Variants in PSD3 observed in about 807,000 individuals in gnomAD.
PSD3 encodes pleckstrin and Sec7 domain containing 3.
A neutral mutation model predicts 105.5 loss-of-function variants in PSD3; 49 were observed. The observed-to-expected ratio is 0.46, with a 90% confidence interval of 0.37 to 0.59. PSD3 has a LOEUF of 0.59. Among genes scored for constraint, PSD3 ranks in the 20% least tolerant of loss-of-function variants. The pLI is 0.00. For missense variants in PSD3, 1,561 were observed against 1,263.8 expected (o/e 1.24, Z -3.57); for synonymous variants, 557 against 457.8 (o/e 1.22, Z -2.77).
upstream of PSD3, among the ~76,000 whole-genome samples, chr8:19,017,050 CTTTTTT>C (rs60211350): frequency 8.7e-6 from 1 of 115,594 alleles, no homozygotes; most frequent in Admixed American, 9.7e-5. Flanking sequence ...TGGCTACATA[CTTTTTT>C]TTTTTTTTTT....
chr8:18,550,275 G>A (rs574024345), intron 15 of PSD3, among the ~76,000 whole-genome samples: 18 of 152,236 alleles, frequency 1.2e-4, no homozygotes, highest in African/African-American at 3.4e-4. Context: ...GCTAGGCTCC[G>A]CTTCTCTTCA....
At chr8:18,850,831 A>T (rs118039738) in intron 4 of PSD3, among the ~76,000 whole-genome samples, 1 of 152,172 alleles carries the variant, frequency 6.6e-6, no homozygotes, top group African/African-American at 2.4e-5. Flanking sequence ...CCTGCTAAAA[A>T]GCAGGGCCTC....
chr8:18,677,974 C>T (rs1253938270), intron 9 of PSD3, among the ~76,000 whole-genome samples: 4 of 148,248 alleles, frequency 2.7e-5, no homozygotes, highest in South Asian at 2.1e-4. Flanking sequence ...CAGGCCACTG[C>T]ACTCCAGCCT....
chr8:18,584,799 G>A (rs547181625), intron 12 of PSD3, among the ~76,000 whole-genome samples: 2 of 152,238 alleles, frequency 1.3e-5, no homozygotes, highest in East Asian at 1.9e-4. Context: ...AAAGGTGGGG[G>A]GCTCCTTGTG....
At chr8:18,850,718 T>C (rs1472524322) in intron 4 of PSD3, among the ~76,000 whole-genome samples, 1 of 152,128 alleles carries the variant, frequency 6.6e-6, no homozygotes, top group Non-Finnish European at 1.5e-5. Flanking sequence ...AAAGGTCTTG[T>C]AGCTCAACCC....
intron 1 of PSD3, among the ~76,000 whole-genome samples, chr8:18,963,784 G>T (rs910247738): frequency 6.6e-6 from 1 of 152,178 alleles, no homozygotes; most frequent in African/African-American, 2.4e-5. Flanking sequence ...TTAAAATATA[G>T]ACACCACATT....
chr8:19,069,598 T>G (rs1195276971), intron 1 of PSD3, among the ~76,000 whole-genome samples: 1 of 152,224 alleles, frequency 6.6e-6, no homozygotes, highest in African/African-American at 2.4e-5. Flanking sequence ...GTCATCATCG[T>G]GATAATACCT....
chr8:18,592,221 G>A (rs1803665861), intron 12 of PSD3, among the ~76,000 whole-genome samples: 1 of 152,068 alleles, frequency 6.6e-6, no homozygotes, highest in Admixed American at 6.6e-5. Context: ...TTTTCAAGCT[G>A]AAGAATATAG....
chr8:18,881,400 G>C (rs1443058795), intron 2 of PSD3, among the ~76,000 whole-genome samples: 2 of 152,132 alleles, frequency 1.3e-5, no homozygotes, highest in Non-Finnish European at 2.9e-5. Flanking sequence ...AGAAAAACCA[G>C]GGTCTTTCTA....
At chr8:18,618,101 C>A (rs1196172343) in intron 11 of PSD3, among the ~76,000 whole-genome samples, 1 of 152,244 alleles carries the variant, frequency 6.6e-6, no homozygotes. Flanking sequence ...CACCCCACCA[C>A]CCCCTCAACT....
At chr8:18,640,741 A>G (rs1807585664) in intron 10 of PSD3, among the ~76,000 whole-genome samples, 1 of 152,212 alleles carries the variant, frequency 6.6e-6, no homozygotes, top group African/African-American at 2.4e-5. Flanking sequence ...TGGAGGGAAG[A>G]TGGCAGAAGA....
At chr8:19,061,480 T>A (rs370878018) in intron 1 of PSD3, among the ~76,000 whole-genome samples, 3 of 152,080 alleles carry the variant, frequency 2.0e-5, no homozygotes, top group East Asian at 3.9e-4. Context: ...GTTTGTTTGC[T>A]GGTGAACTTG....
At chr8:18,877,900 G>T (rs1817841485) in intron 2 of PSD3, among the ~76,000 whole-genome samples, 1 of 152,126 alleles carries the variant, frequency 6.6e-6, no homozygotes, top group African/African-American at 2.4e-5. Context: ...TGCAGTAAGT[G>T]AAATCTGGAA....
chr8:18,761,188 G>C (rs1376764042), intron 9 of PSD3, among the ~76,000 whole-genome samples: 1 of 152,154 alleles, frequency 6.6e-6, no homozygotes, highest in Non-Finnish European at 1.5e-5. Context: ...AGGTAAAAAG[G>C]TAAGGGTTAA....
intron 8 of PSD3, among the ~76,000 whole-genome samples, chr8:18,775,630 T>G (rs893488820): frequency 6.6e-6 from 1 of 152,236 alleles, no homozygotes; most frequent in Non-Finnish European, 1.5e-5. Context: ...TTCTATGTCT[T>G]CTTTTGAGAA....
chr8:18,894,723 G>C (rs1039512658), intron 2 of PSD3, among the ~76,000 whole-genome samples: 7 of 152,220 alleles, frequency 4.6e-5, no homozygotes, highest in African/African-American at 7.2e-5. Flanking sequence ...AGCTACATTC[G>C]CATCTGTCTT....
At chr8:18,643,789 G>C (rs911287309) in intron 10 of PSD3, among the ~76,000 whole-genome samples, 3 of 152,340 alleles carry the variant, frequency 2.0e-5, no homozygotes, top group African/African-American at 7.2e-5. Context: ...AGCTGTCATG[G>C]AATATCCCAC....
intron 8 of PSD3, among the ~76,000 whole-genome samples, chr8:18,795,842 G>A (rs1384794869): frequency 6.6e-6 from 1 of 152,140 alleles, no homozygotes; most frequent in African/African-American, 2.4e-5. Context: ...AAACAAGGTT[G>A]AAGAAAAAGA....
intron 9 of PSD3, among the ~76,000 whole-genome samples, chr8:18,723,790 C>T (rs993561280): frequency 3.3e-5 from 5 of 152,190 alleles, no homozygotes; most frequent in African/African-American, 1.2e-4. Flanking sequence ...ATTTTAAGAA[C>T]ACATTTTTAA....
Sources: allele counts gnomAD v4.1 joint callset (sites outside exome capture counted in the v4.1 genomes callset), GRCh38; gene constraint gnomAD v4.1.1; transcripts MANE v1.5; gene names NCBI Gene and HGNC (gene_info 2026-07-23, HGNC 2026-07-21).